NXPH1: variants seen among roughly 807,000 people sequenced by gnomAD.
NXPH1 encodes the protein neurexophilin-1.
In NXPH1, 5 loss-of-function variants were observed where a neutral mutation model predicts 23.7. That is an observed-to-expected ratio of 0.21 (90% CI 0.11 to 0.44). NXPH1 has a LOEUF of 0.44. NXPH1 is among the 20% of genes least tolerant of loss of function. The probability of loss-of-function intolerance (pLI) is 0.99; values close to 1 mark genes in which losing one functional copy is unlikely to be tolerated. For missense variants in NXPH1, 324 were observed against 321.6 expected, an observed-to-expected ratio of 1.01 and a Z score of -0.06; for synonymous variants, 144 against 122.2, an observed-to-expected ratio of 1.18 and a Z score of -1.18.
chr7:8,435,262 G>A lies in NXPH1; in HGVS notation c.-110-342G>A, dbSNP rs181396517. On this transcript the variant is annotated intron_variant, in intron 1 of 2. Coordinates refer to ENST00000405863, the MANE Select transcript of NXPH1 (RefSeq NM_152745.3). This position sits in a 1 kb window ranked among gnomAD's most constrained non-coding sequence, Gnocchi z 5.9. ...CGCCGCCTTTAGTCCGAGCCGCCGG[G>A]CCACCCAACACAAGGGCAGGTCTCG... is the stretch of plus-strand genomic sequence containing the variant. 484 of 229,566 alleles carry A rather than the reference G, an allele frequency of 2.1e-3. 2 individuals are homozygous for A. Among genetic ancestry groups the A allele is most frequent in the Non-Finnish European group, 3.3e-3 (389 of 116,276 alleles). The allele number at this position is 229,566 out of a possible 1,614,324, so 14.2% of individuals were successfully genotyped here.
intron 2 of NXPH1, among the ~76,000 whole-genome samples, chr7:8,727,745 G>C (rs1780081003): frequency 6.6e-6 from 1 of 152,128 alleles, no homozygotes. Flanking sequence ...CTGTAGCCTT[G>C]TAGTATAGTT....
chr7:8,511,932 A>T (rs1817619559), intron 2 of NXPH1, among the ~76,000 whole-genome samples: 1 of 152,084 alleles, frequency 6.6e-6, no homozygotes, highest in South Asian at 2.1e-4. Flanking sequence ...GGTTCTGACA[A>T]CTCAGGAATG....
At chr7:8,506,583 T>C (rs1563330593) in intron 2 of NXPH1, among the ~76,000 whole-genome samples, 2 of 151,994 alleles carry the variant, frequency 1.3e-5, no homozygotes, top group Admixed American at 6.6e-5. Context: ...AGATAGCCAG[T>C]AGGGACAGTG....
intron 2 of NXPH1, among the ~76,000 whole-genome samples, chr7:8,455,979 G>A (rs117918899): frequency 5.8e-4 from 88 of 152,290 alleles, no homozygotes; most frequent in Non-Finnish European, 1.1e-3. Flanking sequence ...ATCCTTGCAA[G>A]GTCATTAGGC....
rs955003008 is a variant in NXPH1 at position 8,661,565 on chromosome 7, C to A, written c.55-89443C>A. Among the ~76,000 whole-genome samples the A allele has an allele frequency of 5.3e-5, 8 of 152,024 alleles. No homozygotes were observed. The South Asian group carries it at 1.5e-3, about 28-fold the overall frequency. On this transcript the variant is annotated intron_variant, in intron 2 of 2. Transcript: ENST00000405863. ...GAGGAAGGGGCTTTACTGGCCCAAC[C>A]AGAAACAGAAACTAAGAACCTATGT...
chr7:8,509,819 A>G (rs1817584968), intron 2 of NXPH1, among the ~76,000 whole-genome samples: 1 of 152,144 alleles, frequency 6.6e-6, no homozygotes, highest in Admixed American at 6.5e-5. Context: ...TGTCTCATCA[A>G]TGCCTTTGTG....
intron 2 of NXPH1, among the ~76,000 whole-genome samples, chr7:8,709,561 T>C (rs1482288877): frequency 6.6e-6 from 1 of 152,174 alleles, no homozygotes; most frequent in East Asian, 1.9e-4. Flanking sequence ...GTATTAATTA[T>C]ACTCAGCACA....
At chr7:8,694,774 A>G (rs1026501547) in intron 2 of NXPH1, among the ~76,000 whole-genome samples, 2 of 152,358 alleles carry the variant, frequency 1.3e-5, no homozygotes, top group South Asian at 2.1e-4. Context: ...AAAACAGTCC[A>G]CATGAAATAG....
At chr7:8,621,843 CAG>C (rs1418669837) in intron 2 of NXPH1, among the ~76,000 whole-genome samples, 1 of 152,120 alleles carries the variant, frequency 6.6e-6, no homozygotes, top group Non-Finnish European at 1.5e-5. Flanking sequence ...TAATAACTTT[CAG>C]GTAGGTATTA....
chr7:8,601,127 C>G (rs28413531), intron 2 of NXPH1, among the ~76,000 whole-genome samples: 1 of 152,064 alleles, frequency 6.6e-6, no homozygotes, highest in African/African-American at 2.4e-5. Context: ...GGTCCTGGAA[C>G]CAATGCCCCT....
chr7:8,480,472 T>C (rs937153141), intron 2 of NXPH1, among the ~76,000 whole-genome samples: 1 of 152,146 alleles, frequency 6.6e-6, no homozygotes, highest in African/African-American at 2.4e-5. Context: ...CAATTCTCTC[T>C]TGGAATCCAG....
intron 2 of NXPH1, among the ~76,000 whole-genome samples, chr7:8,624,468 G>A (rs1327644724): frequency 1.3e-5 from 2 of 152,028 alleles, no homozygotes; most frequent in African/African-American, 4.8e-5. Context: ...GTGTGCAAAA[G>A]GAAAACTGAG....
chr7:8,518,677 G>T (rs1460419875), intron 2 of NXPH1, among the ~76,000 whole-genome samples: 1 of 151,862 alleles, frequency 6.6e-6, no homozygotes, highest in East Asian at 1.9e-4. Context: ...GTAGAGATGA[G>T]GTCTTCCTAT....
intron 2 of NXPH1, among the ~76,000 whole-genome samples, chr7:8,527,277 C>T (rs1363856566): frequency 6.6e-6 from 1 of 152,142 alleles, no homozygotes; most frequent in African/African-American, 2.4e-5. Flanking sequence ...GCAGCCTCAG[C>T]TTTTGCTTTC....
At chr7:8,587,537 C>T (rs1389643277) in intron 2 of NXPH1, among the ~76,000 whole-genome samples, 1 of 152,084 alleles carries the variant, frequency 6.6e-6, no homozygotes, top group Non-Finnish European at 1.5e-5. Context: ...GCAGAACGTA[C>T]AGGTTTGTTA....
At chr7:8,448,409 A>G (rs990651355) in intron 2 of NXPH1, among the ~76,000 whole-genome samples, 2 of 152,216 alleles carry the variant, frequency 1.3e-5, no homozygotes, top group African/African-American at 4.8e-5. Context: ...TCCTAGGGCC[A>G]TATTTTTTGT....
intron 2 of NXPH1, among the ~76,000 whole-genome samples, chr7:8,465,171 A>G (rs1387900822): frequency 2.6e-5 from 4 of 152,244 alleles, no homozygotes; most frequent in African/African-American, 9.7e-5. Context: ...AAAGCTTTCA[A>G]TTGCACAAGG....
intron 2 of NXPH1, among the ~76,000 whole-genome samples, chr7:8,578,707 A>T (rs1210155978): frequency 6.6e-6 from 1 of 152,196 alleles, no homozygotes; most frequent in Non-Finnish European, 1.5e-5. Flanking sequence ...GGGGAGGAAC[A>T]CTTAAATGGT....
At chr7:8,448,887 ACAAGTCAT>A (rs1370740466) in intron 2 of NXPH1, among the ~76,000 whole-genome samples, 2 of 152,076 alleles carry the variant, frequency 1.3e-5, no homozygotes. Flanking sequence ...AAATGAAGAG[ACAAGTCAT>A]CAATAGGATC....
Sources: gnomAD v4.1 joint callset for allele counts (sites outside exome capture counted in the v4.1 genomes callset) on GRCh38, gnomAD v4.1.1 for gene constraint, Gnocchi (gnomAD v3.1) non-coding constraint, MANE v1.5 for transcripts, NCBI Gene and HGNC (gene_info 2026-07-23, HGNC 2026-07-21) for gene names.